Variants in NCS1 observed in about 807,000 individuals in gnomAD.
The protein encoded by NCS1 is frequenin homolog.
A neutral mutation model predicts 28.4 loss-of-function variants in NCS1; 6 were observed. The ratio of observed to expected loss-of-function variants is 0.21; its 90% confidence interval spans 0.12 to 0.42. The LOEUF (loss-of-function observed/expected upper bound fraction) is 0.42, where lower values mean the gene tolerates loss of function less well. Ranked by LOEUF, NCS1 falls within the 10% of genes least tolerant of loss-of-function variation. The probability of loss-of-function intolerance (pLI) is 1.00; values close to 1 mark genes in which losing one functional copy is unlikely to be tolerated. For synonymous variants in NCS1, 86 were observed against 99.3 expected (o/e 0.87, Z 0.79); for missense variants, 131 against 241.4 (o/e 0.54, Z 3.03).
rs5900889 is a variant in NCS1 at position 130,235,120 on chromosome 9, A to ACCCCCCCCCCCC, written c.*2155_*2156insCCCCCCCCCCCC. On this transcript the variant is annotated 3_prime_UTR_variant, in exon 8 of 8. Transcript: ENST00000372398. ...AGGACTGCACGCTGGCCCCACGGTA[A>ACCCCCCCCCCCC]CCCCCCCTCCCCCACCAACATCCTG... 4 of 148,508 alleles carry ACCCCCCCCCCCC rather than the reference A, an allele frequency of 2.7e-5. No individual in the cohort carries two copies. Among genetic ancestry groups the ACCCCCCCCCCCC allele is most frequent in the African/African-American group, 1.0e-4 (4 of 39,438 alleles). The allele number at this position is 148,508 out of a possible 1,614,324, so 9.2% of individuals were successfully genotyped here.
intron 1 of NCS1, among the ~76,000 whole-genome samples, chr9:130,185,423 T>A (rs1158955310): frequency 6.6e-6 from 1 of 152,094 alleles, no homozygotes; most frequent in Admixed American, 6.5e-5. Context: ...CTCTCCTACC[T>A]CCTGGGCTGG....
In NCS1 at chr9:130,189,893, T is replaced by A. The variant is rs1209844244; in HGVS notation, c.65-11065T>A. Among the ~76,000 whole-genome samples the A allele has an allele frequency of 1.5e-3, 189 of 127,984 alleles. 4 individuals are homozygous for A. Among genetic ancestry groups the A allele is most frequent in the African/African-American group, 6.1e-3 (180 of 29,590 alleles). 84.0% of individuals were successfully genotyped at this position (127,984 alleles called of 152,430 possible). A position where few individuals can be genotyped will look rare whatever the true frequency, so the allele number is the denominator to read the frequency against. On this transcript the variant is annotated intron_variant, in intron 1 of 7. Coordinates refer to ENST00000372398, the MANE Select transcript of NCS1 (RefSeq NM_014286.4). The stretch of plus-strand genomic sequence containing the variant: ...AAAAAAAAAAAAATATATATATATA[T>A]ATATATATATATATATTCCCAAGGT...
intron 3 of NCS1, 102 bp downstream of exon 3, chr9:130,218,072 G>A: frequency 6.9e-7 from 1 of 1,450,922 alleles, no homozygotes; most frequent in Non-Finnish European, 9.6e-7. Flanking sequence ...CCCTTCTAGA[G>A]AAGGAACACA....
chr9:130,223,169 GGGGGC>G lies in NCS1; in HGVS notation c.474+16_474+20del. 1.3e-6 allele frequency: 2 copies of G among 1,596,562 alleles called. No homozygotes were observed. Among genetic ancestry groups the G allele is most frequent in the Non-Finnish European group, 1.7e-6 (2 of 1,164,200 alleles). ...TGCCATGATGGATAAGGTGAGGTGG[GGGGGC>G]GGGGCTGGTCCTGGACCAGGGAGGC... is the stretch of plus-strand genomic sequence containing the variant. On this transcript the variant is annotated intron_variant, in intron 6 of 7. Coordinates refer to ENST00000372398, the MANE Select transcript of NCS1 (RefSeq NM_014286.4).
At position 130,226,553 on chromosome 9, in the gene NCS1, G is replaced by A; in HGVS notation, c.*17+49G>A. Reference sequence around the variant, plus strand: ...GGTGGGTCTGGGATGGGTCAGGGGTGAAAACCCAGCAGCAGGACACCTACG... The same window carrying A: ...GGTGGGTCTGGGATGGGTCAGGGGTAAAAACCCAGCAGCAGGACACCTACG... On this transcript the variant is annotated intron_variant, in intron 7 of 7. Coordinates refer to ENST00000372398, the MANE Select transcript of NCS1 (RefSeq NM_014286.4). This position sits in a 1 kb window ranked among gnomAD's most constrained non-coding sequence, Gnocchi z 4.8. 1 of 1,389,630 alleles carries A rather than the reference G, an allele frequency of 7.2e-7. No homozygotes were observed. The highest frequency in any genetic ancestry group is 1.0e-6 in the Non-Finnish European group (1 of 994,154). 86.1% of individuals were successfully genotyped at this position (1,389,630 alleles called of 1,614,324 possible).
In NCS1 at chr9:130,215,274, A is replaced by G. The variant is rs527762271; in HGVS notation, c.90-2558A>G. ...GTCATGGGCCAGGCTGAAACAGAAG[A>G]AACTCAAAAGAAGCAGGGAGAAGGC... is the stretch of plus-strand genomic sequence containing the variant. On this transcript the variant is annotated intron_variant, in intron 2 of 7. Transcript: ENST00000372398. The surrounding 1 kb of genome is among the most constrained non-coding windows in gnomAD (Gnocchi z 4.2). 1.3e-5 allele frequency among the ~76,000 whole-genome samples: 2 copies of G among 152,250 alleles called. No homozygotes were observed. The highest frequency in any genetic ancestry group is 2.4e-5 in the African/African-American group (1 of 41,546).
chr9:130,195,858 G>T (rs1218873841), intron 1 of NCS1, among the ~76,000 whole-genome samples: 3 of 152,224 alleles, frequency 2.0e-5, no homozygotes, highest in Non-Finnish European at 4.4e-5. Context: ...ATGCGGGCCA[G>T]TGACCCAGGG....
At chr9:130,201,858 A>T (rs1554907492) in intron 2 of NCS1, among the ~76,000 whole-genome samples, 1 of 152,062 alleles carries the variant, frequency 6.6e-6, no homozygotes, top group African/African-American at 2.4e-5. Flanking sequence ...CCACTTCTGC[A>T]CTTCCCCAGG....
chr9:130,205,688 A>G (rs1399720364), intron 2 of NCS1, among the ~76,000 whole-genome samples: 1 of 151,752 alleles, frequency 6.6e-6, no homozygotes, highest in Non-Finnish European at 1.5e-5. Flanking sequence ...AAAAAAAAAA[A>G]AAAGCTGGAC....
intron 1 of NCS1, among the ~76,000 whole-genome samples, chr9:130,187,824 T>TG (rs376046464): frequency 1.6e-3 from 242 of 152,362 alleles, no homozygotes; most frequent in African/African-American, 5.6e-3. Flanking sequence ...CTACCGGCTA[T>TG]GACATTAGGT....
chr9:130,179,857 G>T (rs1206616325), intron 1 of NCS1, among the ~76,000 whole-genome samples: 1 of 152,122 alleles, frequency 6.6e-6, no homozygotes, highest in Non-Finnish European at 1.5e-5. Flanking sequence ...CAAATTAAGC[G>T]CCAGAAAGGT....
intron 5 of NCS1, 105 bp from the exon 6 acceptor site, chr9:130,222,977 G>A (rs1833354104): frequency 2.2e-6 from 2 of 902,688 alleles, no homozygotes; most frequent in Non-Finnish European, 3.5e-6. Flanking sequence ...AAGAAGAGGG[G>A]GGCGGCCCTC....
At chr9:130,208,446 T>C (rs1480160175) in intron 2 of NCS1, among the ~76,000 whole-genome samples, 1 of 151,946 alleles carries the variant, frequency 6.6e-6, no homozygotes, top group Non-Finnish European at 1.5e-5. Flanking sequence ...GCCTGGCTAA[T>C]TTTTGTATTT....
chr9:130,202,144 T>C (rs1832957007), intron 2 of NCS1, among the ~76,000 whole-genome samples: 1 of 152,174 alleles, frequency 6.6e-6, no homozygotes, highest in South Asian at 2.1e-4. Context: ...ACCCTTGACA[T>C]GGTTATGTGC....
chr9:130,235,106 C>G lies in NCS1; in HGVS notation c.*2134C>G, dbSNP rs1297674520. 6.8e-6 allele frequency: 1 copy of G among 147,496 alleles called. No homozygotes were observed. The highest frequency in any genetic ancestry group is 1.5e-5 in the Non-Finnish European group (1 of 67,634). The allele number at this position is 147,496 out of a possible 1,614,324, so 9.1% of individuals were successfully genotyped here. A position where few individuals can be genotyped will look rare whatever the true frequency, so the allele number is the denominator to read the frequency against. ...ATTGGCAGCCCCCTAGGACTGCACG[C>G]TGGCCCCACGGTAACCCCCCCTCCC... On this transcript the variant is annotated 3_prime_UTR_variant, in exon 8 of 8. Transcript: ENST00000372398.
At chr9:130,206,233 G>A (rs884809) in intron 2 of NCS1, among the ~76,000 whole-genome samples, 137,687 of 152,064 alleles carry the variant, frequency 0.91, 62,655 homozygotes, top group East Asian at 1. Flanking sequence ...CCACGAGCCT[G>A]CCTACTCACG....
chr9:130,203,080 G>GTGTA (rs1200076343), intron 2 of NCS1, among the ~76,000 whole-genome samples: 2 of 130,958 alleles, frequency 1.5e-5, no homozygotes, highest in African/African-American at 5.6e-5. Flanking sequence ...GTGTGTGTGT[G>GTGTA]TATACACATA....
rs1486071901 is a variant in NCS1, at chr9:130,233,977, CAG to C, written c.*1006_*1007del. The C allele has an allele frequency of 6.6e-6, 1 of 152,092 alleles. No individual in the cohort carries two copies. Among genetic ancestry groups the C allele is most frequent in the Non-Finnish European group, 1.5e-5 (1 of 68,036 alleles). The allele number at this position is 152,092 out of a possible 1,614,324, so 9.4% of individuals were successfully genotyped here. ...CCGTAACATTTTTTCCGAGGATGAA[CAG>C]GGGACATCTTTAGGTTTCTCAACTC... On this transcript the variant is annotated 3_prime_UTR_variant, in exon 8 of 8. Transcript: ENST00000372398. The surrounding 1 kb of genome is among the most constrained non-coding windows in gnomAD (Gnocchi z 4.8).
chr9:130,224,883 C>T lies in NCS1; in HGVS notation c.475-1506C>T, dbSNP rs149673444. On this transcript the variant is annotated intron_variant, in intron 6 of 7. Coordinates refer to ENST00000372398, the MANE Select transcript of NCS1 (RefSeq NM_014286.4). ...TGACGTTAGGGAAATCCAGGTGTTA[C>T]GTGCCTTCAGCAAAATAACATAAAA... Among the ~76,000 whole-genome samples the T allele has an allele frequency of 7.7e-4, 117 of 152,228 alleles. 1 individual carries two copies. The highest frequency in any genetic ancestry group is 2.6e-3 in the African/African-American group (107 of 41,540).
Sources: gnomAD v4.1 joint callset for allele counts (sites outside exome capture counted in the v4.1 genomes callset) on GRCh38, gnomAD v4.1.1 for gene constraint, Gnocchi (gnomAD v3.1) non-coding constraint, MANE v1.5 for transcripts, NCBI Gene and HGNC (gene_info 2026-07-23, HGNC 2026-07-21) for gene names.